ST8SIA6: variants seen among roughly 807,000 people sequenced by gnomAD.
ST8SIA6 encodes the protein alpha-2,8-sialyltransferase 8F.
In ST8SIA6, 39 loss-of-function variants were observed where a neutral mutation model predicts 33.6. The observed-to-expected ratio is 1.16, with a 90% CI of 0.90 to 1.52. ST8SIA6 has a LOEUF of 1.52. Among genes scored for constraint, ST8SIA6 ranks in the 40% most tolerant of loss-of-function variants. ST8SIA6 has a pLI of 0.00. For missense variants in ST8SIA6, 441 were observed against 443.8 expected (o/e 0.99, Z 0.06); for synonymous variants, 172 against 167.2 (o/e 1.03, Z -0.22).
At chr10:17,440,394 C>T (rs143997861) in intron 2 of ST8SIA6, among the ~76,000 whole-genome samples, 2,180 of 151,932 alleles carry the variant, frequency 0.014, 28 homozygotes, top group Middle Eastern at 0.027. Flanking sequence ...TTAGTAGAGA[C>T]GAGGTTTCAC....
rs1176071515 is a variant in ST8SIA6, at chr10:17,319,058, C to G, written c.*1820G>C. 6.6e-6 allele frequency among the ~76,000 whole-genome samples: 1 copy of G among 152,062 alleles called. No homozygotes were observed. The highest frequency in any genetic ancestry group is 1.5e-5 in the Non-Finnish European group (1 of 68,018). Reference sequence around the variant, plus strand: ...GAGAGCTTCAAACAATGGCCAACAACCCCAATCTGCTGTGAAATCACAACT... The same window carrying G: ...GAGAGCTTCAAACAATGGCCAACAAGCCCAATCTGCTGTGAAATCACAACT... On this transcript the variant is annotated 3_prime_UTR_variant, in exon 8 of 8. Coordinates refer to ENST00000377602, the MANE Select transcript of ST8SIA6 (RefSeq NM_001004470.3).
intron 2 of ST8SIA6, among the ~76,000 whole-genome samples, chr10:17,441,452 A>C (rs1213287767): frequency 6.6e-6 from 1 of 151,992 alleles, no homozygotes; most frequent in Non-Finnish European, 1.5e-5. Flanking sequence ...AGCTCGGATG[A>C]CAGGCATGCA....
At chr10:17,430,785 C>A (rs895060773) in intron 2 of ST8SIA6, among the ~76,000 whole-genome samples, 4 of 152,162 alleles carry the variant, frequency 2.6e-5, no homozygotes, top group Non-Finnish European at 5.9e-5. Flanking sequence ...TGGATTCTAG[C>A]CCTTTGACAG....
At chr10:17,452,716 G>A (rs1852958782) in intron 2 of ST8SIA6, among the ~76,000 whole-genome samples, 1 of 152,066 alleles carries the variant, frequency 6.6e-6, no homozygotes, top group South Asian at 2.1e-4. Flanking sequence ...GTCTGAAAAT[G>A]GAAACTATTA....
rs367762433 is a variant in ST8SIA6 at position 17,331,542 on chromosome 10, C to G, written c.388G>C (p.Ala130Pro). 7 of 1,606,090 alleles carry G rather than the reference C, an allele frequency of 4.4e-6. No individual in the cohort carries two copies. Among genetic ancestry groups the G allele is most frequent in the Non-Finnish European group, 4.2e-6 (5 of 1,177,760 alleles). The part of the protein sequence containing the change: ...EEYANFRAKL[A>P]SCCDAVQNFV... ...TTTTGAACAGCATCACAGCAGGAAGCAAGTTTGGCTCTGCAAAGGAAAAGG... is the reference window on the plus strand; with the variant it reads ...TTTTGAACAGCATCACAGCAGGAAGGAAGTTTGGCTCTGCAAAGGAAAAGG... Residue 130 changes from alanine to proline, a missense_variant, in exon 5 of 8, where the codon GCT becomes CCT. Transcript: ENST00000377602.
Position 17,384,443 on chromosome 10 carries a change from T to C in ST8SIA6, c.290+6088A>G, listed in dbSNP as rs192473140. On this transcript the variant is annotated intron_variant, in intron 3 of 7. Transcript: ENST00000377602. ...ATACAAATAATTAGGCCAAGTATAA[T>C]AAGCAAACCAGTGCTACCATGATTT... 2.0e-4 allele frequency among the ~76,000 whole-genome samples: 30 copies of C among 152,326 alleles called. 1 individual carries two copies. The highest frequency in any genetic ancestry group is 6.0e-4 in the African/African-American group (25 of 41,576).
chr10:17,414,543 G>A (rs1439564511), intron 2 of ST8SIA6, among the ~76,000 whole-genome samples: 3 of 152,206 alleles, frequency 2.0e-5, no homozygotes, highest in Non-Finnish European at 2.9e-5. Flanking sequence ...AAAATGAGTG[G>A]CTTAAACAAC....
intron 2 of ST8SIA6, among the ~76,000 whole-genome samples, chr10:17,391,121 G>A (rs1378647897): frequency 6.6e-6 from 1 of 152,178 alleles, no homozygotes; most frequent in East Asian, 1.9e-4. Context: ...GCCTCCCAAA[G>A]TGCTGGGATT....
intron 2 of ST8SIA6, among the ~76,000 whole-genome samples, chr10:17,396,914 G>T (rs1473213762): frequency 6.6e-6 from 1 of 152,150 alleles, no homozygotes; most frequent in Non-Finnish European, 1.5e-5. Context: ...TTGAACCACT[G>T]ACAACTCACT....
intron 5 of ST8SIA6, among the ~76,000 whole-genome samples, chr10:17,328,199 G>A (rs1200550193): frequency 6.6e-6 from 1 of 152,144 alleles, no homozygotes. Context: ...AGGTGATTTA[G>A]CAAAAATTTC....
Position 17,356,412 on chromosome 10 carries a change from A to C in ST8SIA6, c.377+3102T>G, listed in dbSNP as rs1588832556. 6.1e-5 allele frequency among the ~76,000 whole-genome samples: 9 copies of C among 146,648 alleles called. No homozygotes were observed. The South Asian group carries it at 1.7e-3, about 28-fold the overall frequency. The stretch of plus-strand genomic sequence containing the variant: ...TACTTTTTTTTTTTTTTTGAGGTGG[A>C]GTCACTCTGTCAGCCAGCCTGCAGT... On this transcript the variant is annotated intron_variant, in intron 4 of 7. Transcript: ENST00000377602.
intron 4 of ST8SIA6, among the ~76,000 whole-genome samples, chr10:17,336,243 C>T (rs1848495107): frequency 6.6e-6 from 1 of 152,110 alleles, no homozygotes; most frequent in African/African-American, 2.4e-5. Context: ...ATGCCTGAGC[C>T]GCCGCACTGG....
intron 2 of ST8SIA6, among the ~76,000 whole-genome samples, chr10:17,415,824 T>C (rs1004582796): frequency 2.2e-4 from 32 of 148,650 alleles, no homozygotes; most frequent in African/African-American, 8.0e-4. Context: ...TTTTTTTTTT[T>C]TTTGAGACAG....
intron 4 of ST8SIA6, among the ~76,000 whole-genome samples, chr10:17,336,188 C>A (rs370132809): frequency 6.6e-6 from 1 of 152,044 alleles, no homozygotes; most frequent in African/African-American, 2.4e-5. Flanking sequence ...AACTTCTGAC[C>A]TCAAGTGATT....
intron 4 of ST8SIA6, among the ~76,000 whole-genome samples, chr10:17,351,995 T>G (rs117310795): frequency 0.029 from 4,408 of 152,100 alleles, 81 homozygotes; most frequent in Non-Finnish European, 0.046. Context: ...TTCCTAATAA[T>G]GTATTGCAGA....
chr10:17,415,974 AT>A (rs1210364170), intron 2 of ST8SIA6, among the ~76,000 whole-genome samples: 1 of 151,320 alleles, frequency 6.6e-6, no homozygotes, highest in Non-Finnish European at 1.5e-5. Context: ...TGCTCAGCTA[AT>A]TTTTTTATTT....
chr10:17,401,605 T>A (rs1264226451), intron 2 of ST8SIA6, among the ~76,000 whole-genome samples: 1 of 152,130 alleles, frequency 6.6e-6, no homozygotes, highest in Non-Finnish European at 1.5e-5. Context: ...GGAACAGAAC[T>A]GAGCCCTCAG....
intron 2 of ST8SIA6, among the ~76,000 whole-genome samples, chr10:17,446,789 G>GC (rs1271897857): frequency 2.0e-5 from 3 of 151,956 alleles, no homozygotes; most frequent in Non-Finnish European, 2.9e-5. Flanking sequence ...AGGGCTGGGA[G>GC]CGGTGGCTCA....
At chr10:17,330,083 T>C (rs1029172801) in intron 5 of ST8SIA6, among the ~76,000 whole-genome samples, 47 of 152,280 alleles carry the variant, frequency 3.1e-4, no homozygotes, top group African/African-American at 1.1e-3. Context: ...AACACAAAAA[T>C]AGGGACCTGG....
Sources: allele counts gnomAD v4.1 joint callset (sites outside exome capture counted in the v4.1 genomes callset), GRCh38; gene constraint gnomAD v4.1.1; transcripts MANE v1.5; gene names NCBI Gene and HGNC (gene_info 2026-07-23, HGNC 2026-07-21).